Variants in PCDHA7 observed in about 807,000 individuals in gnomAD.
PCDHA7 encodes protocadherin alpha 7.
Under a neutral mutation model 57.2 loss-of-function variants are expected in PCDHA7, and 37 were observed. That is an observed-to-expected ratio of 0.65 (90% CI 0.50 to 0.85). PCDHA7 has a LOEUF of 0.85. Ranked by LOEUF, PCDHA7 falls within the 40% of genes least tolerant of loss-of-function variation. PCDHA7 has a pLI of 0.00. For synonymous variants in PCDHA7, 553 were observed against 558.8 expected (o/e 0.99, Z 0.15); for missense variants, 1,188 against 1,241.8 (o/e 0.96, Z 0.65).
Position 140,966,695 on chromosome 5 carries a change from C to T in PCDHA7, c.2356-12254C>T, listed in dbSNP as rs2096038904. ...GGGTGGCACGAGCGGAGGCGGGGCC[C>T]GGGCGTGGGGCACGGCTGGGGAAGC... is the stretch of plus-strand genomic sequence containing the variant. On this transcript the variant is annotated intron_variant, in intron 1 of 3. Coordinates refer to ENST00000525929, the MANE Select transcript of PCDHA7 (RefSeq NM_018910.3). 4 of 1,358,486 alleles carry T rather than the reference C, an allele frequency of 2.9e-6. No individual in the cohort carries two copies. In the South Asian group the frequency reaches 5.2e-5, roughly 18 times the overall value. The allele number at this position is 1,358,486 out of a possible 1,614,324, so 84.2% of individuals were successfully genotyped here. A position where few individuals can be genotyped will look rare whatever the true frequency, so the allele number is the denominator to read the frequency against.
At chr5:140,898,323 G>A (rs2066657733) in intron 1 of PCDHA7, among the ~76,000 whole-genome samples, 1 of 152,132 alleles carries the variant, frequency 6.6e-6, no homozygotes, top group Admixed American at 6.5e-5. Context: ...ATGGTTTTGG[G>A]TCTAACGTTT....
At chr5:140,959,886 G>A (rs1171381497) in intron 1 of PCDHA7, among the ~76,000 whole-genome samples, 1 of 152,194 alleles carries the variant, frequency 6.6e-6, no homozygotes, top group Non-Finnish European at 1.5e-5. Flanking sequence ...GAATACACGA[G>A]TGGGATTTAT....
intron 1 of PCDHA7, chr5:140,848,633 C>T (rs1554142316): frequency 1.9e-6 from 3 of 1,593,314 alleles, no homozygotes; most frequent in Non-Finnish European, 2.6e-6. Context: ...CCTTCGTGGG[C>T]CGCATCGCGC....
intron 1 of PCDHA7, chr5:140,876,978 C>T (rs1206745884): frequency 1.2e-5 from 20 of 1,612,518 alleles, no homozygotes; most frequent in African/African-American, 6.7e-5. Flanking sequence ...TGGGCGAGCA[C>T]GCACTGTCGA....
chr5:140,853,011 T>C, intron 1 of PCDHA7: 1 of 283,070 alleles, frequency 3.5e-6, no homozygotes, highest in African/African-American at 2.3e-5. Context: ...CCCGAGTAGC[T>C]GGGACTACAG....
intron 1 of PCDHA7, chr5:140,884,108 G>A (rs782424793): frequency 3.1e-6 from 5 of 1,613,286 alleles, no homozygotes; most frequent in Admixed American, 3.3e-5. Context: ...ATTGCAGCTG[G>A]CGGCGGTCGG....
chr5:140,836,251 G>A lies in PCDHA7; in HGVS notation c.1868G>A (p.Arg623His). ...PVAAGASIPF[R>H]VGLYTGEIST... ...GCGGCCGGTGCGAGCATCCCGTTCC[G>A]CGTGGGGCTGTACACTGGTGAGATC... Residue 623 changes from arginine (R) to histidine (H), a missense_variant, in exon 1 of 4, where the codon CGC becomes CAC. By Grantham distance (29) the Arg-to-His change is conservative. Around this residue, in one of 3 missense-constraint regions of PCDHA7, gnomAD observed 892 missense variants for 788.5 expected, o/e 1.13. Transcript: ENST00000525929. The A allele has an allele frequency of 6.2e-7, 1 of 1,613,786 alleles. No individual in the cohort carries two copies. Among genetic ancestry groups the A allele is most frequent in the South Asian group, 1.1e-5 (1 of 91,072 alleles).
chr5:140,835,500 A>C lies in PCDHA7; in HGVS notation c.1117A>C (p.Ser373Arg). Residue 373 changes from serine (S) to arginine (R), a missense_variant, in exon 1 of 4, where the codon AGC becomes CGC. Transcript: ENST00000525929. ...AQPGTVITLI[S>R]VFDRDFGVNG... is the part of the protein sequence containing the mutation. The stretch of plus-strand genomic sequence containing the variant: ...ACCAGGTACCGTCATCACATTGATT[A>C]GCGTGTTTGACCGAGATTTTGGAGT... 6.2e-7 allele frequency: 1 copy of C among 1,613,942 alleles called. No homozygotes were observed. Among genetic ancestry groups the C allele is most frequent in the Non-Finnish European group, 8.5e-7 (1 of 1,179,888 alleles).
chr5:140,838,092 G>C (rs1775529438), intron 1 of PCDHA7, among the ~76,000 whole-genome samples: 1 of 140,050 alleles, frequency 7.1e-6, no homozygotes, highest in Admixed American at 7.0e-5. Context: ...GTGTGTGTGT[G>C]TGTGTGTGTG....
At position 140,957,203 on chromosome 5, in the gene PCDHA7, A is replaced by T. The variant is rs921844658; in HGVS notation, c.2356-21746A>T. 3.3e-5 allele frequency among the ~76,000 whole-genome samples: 5 copies of T among 152,184 alleles called. 1 individual carries two copies. In the South Asian group the frequency reaches 6.2e-4, roughly 19 times the overall value. ...TATTGATGACCGATTGGGAATATAAATAGGCACAAAAATTTGGCGAAGCAT... is the reference window on the plus strand; with the variant it reads ...TATTGATGACCGATTGGGAATATAATTAGGCACAAAAATTTGGCGAAGCAT... On this transcript the variant is annotated intron_variant, in intron 1 of 3. Transcript: ENST00000525929.
chr5:140,853,133 C>T (rs1646376725), intron 1 of PCDHA7: 1 of 642,274 alleles, frequency 1.6e-6, no homozygotes, highest in Non-Finnish European at 2.0e-6. Flanking sequence ...CCCGCCTCAG[C>T]CTCCCAAAAT....
chr5:140,871,649 G>A (rs781859029), intron 1 of PCDHA7: 23 of 1,265,706 alleles, frequency 1.8e-5, no homozygotes, highest in Admixed American at 8.7e-5. Flanking sequence ...AATACCAAAT[G>A]ATACACATCT....
intron 1 of PCDHA7, among the ~76,000 whole-genome samples, chr5:140,915,296 A>G (rs556254508): frequency 6.6e-6 from 1 of 152,086 alleles, no homozygotes; most frequent in East Asian, 1.9e-4. Flanking sequence ...TCTACTTAAG[A>G]TAAGTTTACA....
chr5:141,004,124 C>T (rs1225012224), intron 3 of PCDHA7, among the ~76,000 whole-genome samples: 1 of 152,202 alleles, frequency 6.6e-6, no homozygotes, highest in Non-Finnish European at 1.5e-5. Context: ...GGAGTATCTC[C>T]ATGATTCTGC....
At chr5:140,846,500 A>G (rs1234725783) in intron 1 of PCDHA7, among the ~76,000 whole-genome samples, 2 of 143,700 alleles carry the variant, frequency 1.4e-5, no homozygotes, top group African/African-American at 2.6e-5. Flanking sequence ...TCAGCCTCCC[A>G]AGTAGCTGGG....
chr5:140,925,424 T>C (rs1554202738), intron 1 of PCDHA7, among the ~76,000 whole-genome samples: 1 of 152,038 alleles, frequency 6.6e-6, no homozygotes, highest in Non-Finnish European at 1.5e-5. Context: ...GAACTGGTTG[T>C]AGGGTGTTAG....
intron 1 of PCDHA7, among the ~76,000 whole-genome samples, chr5:140,953,492 G>T (rs542677103): frequency 6.6e-6 from 1 of 152,188 alleles, no homozygotes; most frequent in East Asian, 1.9e-4. Context: ...TCACAACCTT[G>T]ATCAGCTATT....
At chr5:140,970,562 A>G (rs1406680335) in intron 1 of PCDHA7, among the ~76,000 whole-genome samples, 1 of 152,156 alleles carries the variant, frequency 6.6e-6, no homozygotes, top group African/African-American at 2.4e-5. Flanking sequence ...TCGTCTCCAT[A>G]TGTATGCTTG....
chr5:140,842,171 C>T, intron 1 of PCDHA7: 8 of 1,613,804 alleles, frequency 5.0e-6, no homozygotes, highest in Non-Finnish European at 6.8e-6. Flanking sequence ...TTTTAATAGC[C>T]TTGTTGAAAC....
Sources: allele counts gnomAD v4.1 joint callset (sites outside exome capture counted in the v4.1 genomes callset), GRCh38; gene constraint gnomAD v4.1.1; regional missense constraint gnomAD v4.1.1; transcripts MANE v1.5; gene names NCBI Gene and HGNC (gene_info 2026-07-23, HGNC 2026-07-21).